The following ST6GAL1 variants were observed in gnomAD, a reference collection of about 807,000 sequenced individuals.
ST6GAL1 encodes the protein beta-galactoside alpha-2,6-sialyltransferase 1.
In ST6GAL1, 20 loss-of-function variants were observed where a neutral mutation model predicts 38.0. The observed-to-expected ratio is 0.53, with a 90% CI of 0.37 to 0.77. The LOEUF (loss-of-function observed/expected upper bound fraction) is 0.77. Ranked by LOEUF, ST6GAL1 falls within the 30% of genes least tolerant of loss-of-function variation. The pLI is 0.00. For missense variants in ST6GAL1, 432 were observed against 496.4 expected, an observed-to-expected ratio of 0.87 and a Z score of 1.23; for synonymous variants, 196 against 188.2, an observed-to-expected ratio of 1.04 and a Z score of -0.34.
At position 187,002,813 on chromosome 3, in the gene ST6GAL1, T is replaced by A. The variant is rs147091933; in HGVS notation, c.-182-35929T>A. ...CCCTTACCCAGAAAATTCTCCATTA[T>A]AATTCTTTAAAAGCACAGGTTCACA... is the stretch of plus-strand genomic sequence containing the variant. On this transcript the variant is annotated intron_variant, in intron 2 of 7. Transcript: ENST00000169298. Among the ~76,000 whole-genome samples, 14 of 152,374 alleles carry A rather than the reference T, an allele frequency of 9.2e-5. No homozygotes were observed. The East Asian group carries it at 2.7e-3, about 29-fold the overall frequency.
intron 1 of ST6GAL1, among the ~76,000 whole-genome samples, chr3:186,951,850 C>G (rs1359051977): frequency 6.6e-6 from 1 of 152,078 alleles, no homozygotes. Context: ...CTGGGAAGTC[C>G]AAGTTGAAGG....
chr3:186,979,517 G>A (rs1037996199), intron 2 of ST6GAL1, among the ~76,000 whole-genome samples: 18 of 151,196 alleles, frequency 1.2e-4, no homozygotes, highest in African/African-American at 4.4e-4. Context: ...CCCAAAGGAG[G>A]GTAGGGGTAG....
chr3:187,074,065 T>G, intron 6 of ST6GAL1, 94 bp from the exon 7 acceptor site: 1 of 1,178,424 alleles, frequency 8.5e-7, no homozygotes, highest in Non-Finnish European at 1.2e-6. Flanking sequence ...GTTGATCCTT[T>G]CCCCTCCCCA....
chr3:186,993,415 C>T (rs779424127), intron 2 of ST6GAL1, among the ~76,000 whole-genome samples: 3 of 152,114 alleles, frequency 2.0e-5, no homozygotes, highest in Non-Finnish European at 4.4e-5. Flanking sequence ...TTCTCTCAAG[C>T]GTGTTAGCGA....
chr3:186,971,729 T>C (rs1715356073), intron 2 of ST6GAL1, among the ~76,000 whole-genome samples: 3 of 152,238 alleles, frequency 2.0e-5, no homozygotes, highest in Non-Finnish European at 4.4e-5. Flanking sequence ...ATTGTTTTTG[T>C]TCACAGATGA....
rs1199648479 is a variant in ST6GAL1, at chr3:186,952,662, C to T, written c.-324-11123C>T. Among the ~76,000 whole-genome samples the T allele has an allele frequency of 6.6e-6, 1 of 152,066 alleles. No individual in the cohort carries two copies. The highest frequency in any genetic ancestry group is 1.5e-5 in the Non-Finnish European group (1 of 68,010). On this transcript the variant is annotated intron_variant, in intron 1 of 7. Transcript: ENST00000169298. This position sits in a 1 kb window ranked among gnomAD's most constrained non-coding sequence, Gnocchi z 4.1. ...CACTGTGGAGTGCCTCTGGGAGTGG[C>T]CCTTGGACTTGGCCTCTTCTCTGTC...
At chr3:186,967,616 A>T (rs1715192159) in intron 2 of ST6GAL1, among the ~76,000 whole-genome samples, 1 of 152,206 alleles carries the variant, frequency 6.6e-6, no homozygotes, top group African/African-American at 2.4e-5. Context: ...GCAGAGTGGC[A>T]GAGGGAGTGA....
In ST6GAL1 at chr3:187,074,350, G is replaced by A. The variant is rs757247797; in HGVS notation, c.979+17G>A. ...GGATGCTTGGTGAGTTCATGTCGGG[G>A]AAAAGACCTTGCATGTTTGTTTCTA... On this transcript the variant is annotated intron_variant, in intron 7 of 7. Transcript: ENST00000169298. The A allele has an allele frequency of 6.5e-7, 1 of 1,540,428 alleles. No homozygotes were observed. Among genetic ancestry groups the A allele is most frequent in the Non-Finnish European group, 8.7e-7 (1 of 1,146,734 alleles).
intron 1 of ST6GAL1, among the ~76,000 whole-genome samples, chr3:186,963,254 C>T (rs898381690): frequency 3.3e-5 from 5 of 152,132 alleles, no homozygotes; most frequent in African/African-American, 7.2e-5. Context: ...GACGGAGTTT[C>T]GCTCTTGTTG....
chr3:187,047,008 T>C (rs901893294), intron 4 of ST6GAL1, among the ~76,000 whole-genome samples: 70 of 152,240 alleles, frequency 4.6e-4, no homozygotes, highest in African/African-American at 1.6e-3. Context: ...TGCAGTGGCA[T>C]GATCTCGGCT....
intron 2 of ST6GAL1, among the ~76,000 whole-genome samples, chr3:186,994,541 C>A (rs571735640): frequency 1.1e-4 from 16 of 152,208 alleles, no homozygotes; most frequent in African/African-American, 3.4e-4. Context: ...GTTTAACTTT[C>A]ATTTACTGCA....
At chr3:187,059,327 G>C (rs1174859057) in intron 5 of ST6GAL1, among the ~76,000 whole-genome samples, 1 of 152,186 alleles carries the variant, frequency 6.6e-6, no homozygotes, top group African/African-American at 2.4e-5. Context: ...TCTGGCAAGT[G>C]TGGAAATTCA....
rs187622357 is a variant in ST6GAL1, at chr3:187,008,441, G to T, written c.-182-30301G>T. Among the ~76,000 whole-genome samples the T allele has an allele frequency of 5.3e-5, 8 of 152,150 alleles. No individual in the cohort carries two copies. In the East Asian group the frequency reaches 1.4e-3, roughly 26 times the overall value. On this transcript the variant is annotated intron_variant, in intron 2 of 7. Transcript: ENST00000169298. ...TCCATTTCTCATCCAAAACCATGGT[G>T]GCCAAAGACGAAGACAGTGAAACCC...
At chr3:186,983,696 T>G (rs1297129497) in intron 2 of ST6GAL1, among the ~76,000 whole-genome samples, 1 of 152,170 alleles carries the variant, frequency 6.6e-6, no homozygotes, top group African/African-American at 2.4e-5. Flanking sequence ...AATTGCCTCA[T>G]TTTTTCCTCA....
intron 2 of ST6GAL1, among the ~76,000 whole-genome samples, chr3:187,012,895 G>A (rs529861159): frequency 2.0e-4 from 31 of 152,314 alleles, no homozygotes; most frequent in Admixed American, 1.3e-3. Flanking sequence ...ACTGTGAGTC[G>A]TCGGGTCTAC....
At chr3:186,951,131 G>A (rs149064097) in intron 1 of ST6GAL1, among the ~76,000 whole-genome samples, 1,570 of 152,222 alleles carry the variant, frequency 0.01, 22 homozygotes, top group African/African-American at 0.031. Context: ...GTGCTATGGC[G>A]TGATCTCGGT....
intron 2 of ST6GAL1, among the ~76,000 whole-genome samples, chr3:187,004,724 CA>C (rs1300924654): frequency 6.6e-6 from 1 of 152,160 alleles, no homozygotes; most frequent in Non-Finnish European, 1.5e-5. Context: ...AGAGAGAAAA[CA>C]ACAAATACAG....
chr3:187,048,731 T>A (rs1435097576), intron 4 of ST6GAL1, among the ~76,000 whole-genome samples: 1 of 152,144 alleles, frequency 6.6e-6, no homozygotes, highest in Non-Finnish European at 1.5e-5. Flanking sequence ...TCAATCAGTA[T>A]TTGTTGACTG....
chr3:187,044,526 T>C (rs1453750431), intron 4 of ST6GAL1, among the ~76,000 whole-genome samples: 1 of 152,260 alleles, frequency 6.6e-6, no homozygotes, highest in African/African-American at 2.4e-5. Context: ...TGCTTTTGTA[T>C]TTTTGGTTTT....
Sources: allele counts gnomAD v4.1 joint callset (sites outside exome capture counted in the v4.1 genomes callset), GRCh38; gene constraint gnomAD v4.1.1; non-coding constraint Gnocchi (gnomAD v3.1); transcripts MANE v1.5; gene names NCBI Gene and HGNC (gene_info 2026-07-23, HGNC 2026-07-21).